The following COL4A4 variants were observed in gnomAD, a reference collection of about 807,000 sequenced individuals.
The protein encoded by COL4A4 is collagen type IV alpha 4 chain, also known as collagen alpha-4(IV) chain.
Under a neutral mutation model 192.9 loss-of-function variants are expected in COL4A4, and 105 were observed. The observed-to-expected ratio is 0.54, with a 90% CI of 0.46 to 0.64. The LOEUF (loss-of-function observed/expected upper bound fraction) is 0.64. Ranked by LOEUF, COL4A4 falls within the 30% of genes least tolerant of loss-of-function variation. COL4A4 has a pLI of 0.00. For missense variants in COL4A4, 1,967 were observed against 2,169.3 expected (o/e 0.91, Z 1.85); for synonymous variants, 762 against 769.9 (o/e 0.99, Z 0.17).
rs1056277112 is a variant in COL4A4, at chr2:227,004,034, A to C, written c.*3291T>G. ...ATGCAGAGCTGAACACCTAATGCCT[A>C]ATGATGTTTATGGAATTGTCATTGA... is the stretch of plus-strand genomic sequence containing the variant. On this transcript the variant is annotated 3_prime_UTR_variant, in exon 48 of 48. Transcript: ENST00000396625. The C allele has an allele frequency of 6.6e-6, 1 of 152,184 alleles. No individual in the cohort carries two copies. 9.4% of individuals were successfully genotyped at this position (152,184 alleles called of 1,614,324 possible).
chr2:227,077,992 G>C lies in COL4A4; in HGVS notation c.1889C>G (p.Pro630Arg). 6.2e-7 allele frequency: 1 copy of C among 1,613,804 alleles called. No individual in the cohort carries two copies. The highest frequency in any genetic ancestry group is 8.5e-7 in the Non-Finnish European group (1 of 1,179,962). Reference sequence around the variant, plus strand: ...TGGTGGACCAGGAAATCCCAGTCCTGGGGGCCCCACAGGTCCTGCTTTGCC... The same window carrying C: ...TGGTGGACCAGGAAATCCCAGTCCTCGGGGCCCCACAGGTCCTGCTTTGCC... ...PPGKAGPVGP[P>R]GLGFPGPPGE... Residue 630 changes from proline to arginine, a missense_variant, in exon 25 of 48, where the codon CCA becomes CGA. Pro to Arg is a moderately radical substitution (Grantham distance 103). Coordinates refer to ENST00000396625, the MANE Select transcript of COL4A4 (RefSeq NM_000092.5).
chr2:227,126,187 T>G (rs541470886), intron 4 of COL4A4, among the ~76,000 whole-genome samples: 1 of 152,342 alleles, frequency 6.6e-6, no homozygotes, highest in Admixed American at 6.5e-5. Flanking sequence ...AGAAATGATT[T>G]GTAGTATTTG....
chr2:227,117,961 A>T (rs1314415356), intron 7 of COL4A4, among the ~76,000 whole-genome samples: 1 of 152,238 alleles, frequency 6.6e-6, no homozygotes, highest in Non-Finnish European at 1.5e-5. Context: ...GATGTGAATT[A>T]GGTTCCACCT....
intron 41 of COL4A4, 77 bp from the exon 42 acceptor site, chr2:227,028,086 A>T: frequency 9.8e-7 from 1 of 1,024,876 alleles, no homozygotes; most frequent in South Asian, 1.4e-5. Flanking sequence ...TGATAGACTG[A>T]ATTCAGAGAT....
intron 25 of COL4A4, among the ~76,000 whole-genome samples, chr2:227,062,999 T>C (rs1386503796): frequency 6.6e-6 from 1 of 152,160 alleles, no homozygotes; most frequent in Non-Finnish European, 1.5e-5. Flanking sequence ...CGATAAATCA[T>C]AAAATAGCAG....
chr2:227,101,484 A>G lies in COL4A4; in HGVS notation c.1029+20T>C. 6.3e-7 allele frequency: 1 copy of G among 1,589,404 alleles called. No homozygotes were observed. The highest frequency in any genetic ancestry group is 8.6e-7 in the Non-Finnish European group (1 of 1,163,960). ...ATATAAACTTTTATCAGGATATATTAAAATAGGCTCACTTTTTACCTTTGG... is the reference window on the plus strand; with the variant it reads ...ATATAAACTTTTATCAGGATATATTGAAATAGGCTCACTTTTTACCTTTGG... On this transcript the variant is annotated intron_variant, in intron 17 of 47. Coordinates refer to ENST00000396625, the MANE Select transcript of COL4A4 (RefSeq NM_000092.5).
chr2:227,098,045 A>G (rs1255476482), intron 19 of COL4A4, among the ~76,000 whole-genome samples: 1 of 151,948 alleles, frequency 6.6e-6, no homozygotes. Context: ...TGCCAACAGG[A>G]CTCTTTCCCA....
intron 9 of COL4A4, among the ~76,000 whole-genome samples, chr2:227,110,378 C>A (rs758865673): frequency 2.0e-4 from 31 of 152,256 alleles, no homozygotes; most frequent in Non-Finnish European, 4.0e-4. Flanking sequence ...AGTTACAGGG[C>A]AAAATTATAG....
intron 3 of COL4A4, among the ~76,000 whole-genome samples, chr2:227,144,002 C>T (rs1031362485): frequency 1.3e-5 from 2 of 152,186 alleles, no homozygotes; most frequent in African/African-American, 4.8e-5. Context: ...AGAGTATGAA[C>T]AGATAGGGTT....
chr2:227,135,248 C>G (rs113873037), intron 4 of COL4A4, among the ~76,000 whole-genome samples: 8 of 151,912 alleles, frequency 5.3e-5, no homozygotes, highest in Admixed American at 6.6e-5. Context: ...AACCAGCCCC[C>G]TCTAGGACAA....
At chr2:227,115,263 T>C (rs1336058753) in intron 7 of COL4A4, among the ~76,000 whole-genome samples, 1 of 149,192 alleles carries the variant, frequency 6.7e-6, no homozygotes, top group East Asian at 2.0e-4. Flanking sequence ...ATATCCTACT[T>C]TAATTCTTTT....
intron 35 of COL4A4, among the ~76,000 whole-genome samples, chr2:227,043,411 A>G (rs1971844895): frequency 6.6e-6 from 1 of 152,192 alleles, no homozygotes; most frequent in Non-Finnish European, 1.5e-5. Flanking sequence ...TAATACCCAC[A>G]ATTTTATATT....
Position 227,104,016 on chromosome 2 carries a change from G to A in COL4A4, c.772C>T (p.Leu258=). 1 of 1,613,462 alleles carries A rather than the reference G, an allele frequency of 6.2e-7. No individual in the cohort carries two copies. The highest frequency in any genetic ancestry group is 8.5e-7 in the Non-Finnish European group (1 of 1,179,934). The change falls in exon 13 of 48, where the codon CTG becomes TTG. Residue 258 remains leucine (L), a synonymous_variant. Transcript: ENST00000396625. ...CAAAAGTCAGGTGGCTCTACCAACA[G>A]GGTGGGTCCAGGAGAACCTTGCTGA... is the stretch of plus-strand genomic sequence containing the variant. ...VGQQGSPGPT[L]LVEPPDFCLY...
chr2:227,019,475 G>A (rs1407714998), intron 44 of COL4A4, among the ~76,000 whole-genome samples: 1 of 152,154 alleles, frequency 6.6e-6, no homozygotes, highest in African/African-American at 2.4e-5. Context: ...CTGGTTATTA[G>A]GCCAACCAGC....
At position 227,019,647 on chromosome 2, in the gene COL4A4, C is replaced by T. The variant is rs540139443; in HGVS notation, c.4216+2401G>A. Among the ~76,000 whole-genome samples, 27 of 152,304 alleles carry T rather than the reference C, an allele frequency of 1.8e-4. No homozygotes were observed. The South Asian group carries it at 5.6e-3, about 32-fold the overall frequency. ...TCTCACCATCCCATTCTCCCAATAC[C>T]CTTGACTTGCAACTCTTTGTTTTGT... On this transcript the variant is annotated intron_variant, in intron 44 of 47. Transcript: ENST00000396625.
At chr2:226,991,004 G>A in the COL4A4 span, among the ~76,000 whole-genome samples, 2 of 152,138 alleles carry the variant, frequency 1.3e-5, no homozygotes, top group African/African-American at 4.8e-5. Flanking sequence ...TCACCCAGAG[G>A]CTCCTTCATG....
At chr2:227,009,339 G>C (rs1047365759) in intron 46 of COL4A4, among the ~76,000 whole-genome samples, 15 of 152,208 alleles carry the variant, frequency 9.9e-5, no homozygotes, top group African/African-American at 3.4e-4. Context: ...TGGAAAGACA[G>C]TGTTTCCCGG....
At chr2:226,997,929 G>A (rs942887371), downstream of COL4A4, 1 of 152,150 alleles carries the variant, frequency 6.6e-6, no homozygotes, top group African/African-American at 2.4e-5. Flanking sequence ...CTACAATAAG[G>A]AATCCCTAAA....
chr2:227,107,053 G>A (rs2060888262), intron 12 of COL4A4, among the ~76,000 whole-genome samples: 1 of 152,186 alleles, frequency 6.6e-6, no homozygotes, highest in African/African-American at 2.4e-5. Context: ...GCTGGATTCT[G>A]CAATGGCACA....
Sources: gnomAD v4.1 joint callset for allele counts (sites outside exome capture counted in the v4.1 genomes callset) on GRCh38, gnomAD v4.1.1 for gene constraint, MANE v1.5 for transcripts, NCBI Gene and HGNC (gene_info 2026-07-23, HGNC 2026-07-21) for gene names.